HDAC11: variants seen among roughly 807,000 people sequenced by gnomAD.
HDAC11 encodes histone deacetylase 11.
In HDAC11, 23 loss-of-function variants were observed where a neutral mutation model predicts 41.1. The observed-to-expected ratio is 0.56, with a 90% CI of 0.40 to 0.79. HDAC11 has a LOEUF of 0.79. HDAC11 is among the 30% of genes least tolerant of loss of function. The probability of loss-of-function intolerance (pLI) is 0.00; values close to 1 mark genes in which losing one functional copy is unlikely to be tolerated. For synonymous variants in HDAC11, 187 were observed against 186.6 expected, an observed-to-expected ratio of 1.00 and a Z score of -0.02; for missense variants, 402 against 477.3, an observed-to-expected ratio of 0.84 and a Z score of 1.47.
At chr3:13,491,340 A>G (rs1379452157) in intron 3 of HDAC11, among the ~76,000 whole-genome samples, 1 of 151,964 alleles carries the variant, frequency 6.6e-6, no homozygotes, top group Non-Finnish European at 1.5e-5. Flanking sequence ...CTGTGGGGTT[A>G]AATTTTTTAA....
At chr3:13,488,569 AT>A (rs1701702927) in intron 3 of HDAC11, among the ~76,000 whole-genome samples, 1 of 152,234 alleles carries the variant, frequency 6.6e-6, no homozygotes, top group African/African-American at 2.4e-5. Flanking sequence ...CGTTTTCAAC[AT>A]TCATCTGTGT....
At chr3:13,503,213 G>A in intron 8 of HDAC11, 2 of 338,410 alleles carry the variant, frequency 5.9e-6, no homozygotes, top group South Asian at 7.1e-5. Context: ...CAAAAAACAG[G>A]AAAGAATGAA....
intron 3 of HDAC11, among the ~76,000 whole-genome samples, chr3:13,490,503 T>C (rs1207432670): frequency 6.6e-6 from 1 of 152,170 alleles, no homozygotes; most frequent in African/African-American, 2.4e-5. Flanking sequence ...TATTTATGTC[T>C]TTAATTTCTT....
chr3:13,495,551 C>A (rs1454291808), intron 3 of HDAC11, among the ~76,000 whole-genome samples: 1 of 152,174 alleles, frequency 6.6e-6, no homozygotes, highest in Non-Finnish European at 1.5e-5. Context: ...CTCATGCTTC[C>A]TCTCTAGGGC....
chr3:13,484,145 G>A (rs994425582), intron 3 of HDAC11, among the ~76,000 whole-genome samples: 4 of 152,096 alleles, frequency 2.6e-5, no homozygotes, highest in African/African-American at 7.2e-5. Flanking sequence ...TTGTATTTTA[G>A]TAGAGATGTG....
At chr3:13,499,317 G>C (rs1702247878) in intron 5 of HDAC11, among the ~76,000 whole-genome samples, 1 of 152,136 alleles carries the variant, frequency 6.6e-6, no homozygotes, top group African/African-American at 2.4e-5. Context: ...TTACAGGCAT[G>C]CACCACCATG....
At position 13,504,716 on chromosome 3, in the gene HDAC11, C is replaced by A; in HGVS notation, c.*33C>A. 6.4e-7 allele frequency: 1 copy of A among 1,569,656 alleles called. No individual in the cohort carries two copies. ...TGCCCTGCCTGTCACGTGGCCCTGC[C>A]TATCCGCCCCTTAGTGCTTTTTGTT... On this transcript the variant is annotated 3_prime_UTR_variant, in exon 10 of 10. Transcript: ENST00000295757.
At chr3:13,489,756 T>C (rs1432372419) in intron 3 of HDAC11, among the ~76,000 whole-genome samples, 3 of 152,070 alleles carry the variant, frequency 2.0e-5, no homozygotes, top group South Asian at 2.1e-4. Context: ...TTGGTAGAGA[T>C]GGGGTTTCAC....
chr3:13,491,768 A>T (rs760143530), intron 3 of HDAC11, among the ~76,000 whole-genome samples: 20 of 152,354 alleles, frequency 1.3e-4, no homozygotes, highest in South Asian at 1.2e-3. Context: ...CATGCAGGCC[A>T]TGCCCTTTGG....
At chr3:13,491,068 T>TTGTGTG (rs58333021) in intron 3 of HDAC11, among the ~76,000 whole-genome samples, 310 of 140,392 alleles carry the variant, frequency 2.2e-3, no homozygotes, top group African/African-American at 4.8e-3. Context: ...GCTTTAATAG[T>TTGTGTG]TGTGTGTGTG....
intron 3 of HDAC11, among the ~76,000 whole-genome samples, chr3:13,493,986 A>T (rs961175116): frequency 6.6e-6 from 1 of 152,108 alleles, no homozygotes; most frequent in East Asian, 1.9e-4. Context: ...ATCTGGGGGG[A>T]GCAAAGTTAG....
rs995372872 is a variant in HDAC11 at position 13,505,512 on chromosome 3, A to C, written c.*829A>C. On this transcript the variant is annotated 3_prime_UTR_variant, in exon 10 of 10. Transcript: ENST00000295757. ...GGGGGCCGCTGACCCAGGTGGGGAG[A>C]GGGCAGAAGAAGGGTGGGGGACGTG... The C allele has an allele frequency of 6.6e-6, 1 of 152,490 alleles. No individual in the cohort carries two copies. The highest frequency in any genetic ancestry group is 1.5e-5 in the Non-Finnish European group (1 of 68,360). The allele number at this position is 152,490 out of a possible 1,614,324, so 9.4% of individuals were successfully genotyped here. A position where few individuals can be genotyped will look rare whatever the true frequency, so the allele number is the denominator to read the frequency against.
chr3:13,491,056 T>C (rs1287270163), intron 3 of HDAC11, among the ~76,000 whole-genome samples: 2 of 147,156 alleles, frequency 1.4e-5, no homozygotes, highest in Non-Finnish European at 3.0e-5. Flanking sequence ...GCCTGTTTCT[T>C]AGCTTTAATA....
At position 13,496,721 on chromosome 3, in the gene HDAC11, T is replaced by A. The variant is rs1407863085; in HGVS notation, c.253-15T>A. 6.4e-7 allele frequency: 1 copy of A among 1,561,896 alleles called. No homozygotes were observed. The highest frequency in any genetic ancestry group is 8.8e-7 in the Non-Finnish European group (1 of 1,141,954). ...TGGGGAAGCGGAGGCCAACAGCCCCTGTCTTTTTCCGCAGTGGTCCTTTGC... is the reference window on the plus strand; with the variant it reads ...TGGGGAAGCGGAGGCCAACAGCCCCAGTCTTTTTCCGCAGTGGTCCTTTGC... On this transcript the variant is annotated splice_polypyrimidine_tract_variant and intron_variant, in intron 3 of 9. Coordinates refer to ENST00000295757, the MANE Select transcript of HDAC11 (RefSeq NM_024827.4).
In HDAC11 at chr3:13,500,774, C is replaced by G. The variant is rs754349464; in HGVS notation, c.474C>G (p.Ile158Met). 1 of 1,576,054 alleles carries G rather than the reference C, an allele frequency of 6.3e-7. No individual in the cohort carries two copies. Among genetic ancestry groups the G allele is most frequent in the East Asian group, 2.3e-5 (1 of 43,634 alleles). Residue 158 changes from isoleucine to methionine, a missense_variant, in exon 6 of 10, where the codon ATC becomes ATG. Coordinates refer to ENST00000295757, the MANE Select transcript of HDAC11 (RefSeq NM_024827.4). ...RGGGFCAYAD[I>M]TLAIKFLFER... ...GGGGCTTCTGTGCCTATGCGGACAT[C>G]ACGCTCGCCATCAAGGTGTGTCTAT...
At chr3:13,486,389 G>A (rs1326246745) in intron 3 of HDAC11, among the ~76,000 whole-genome samples, 3 of 151,598 alleles carry the variant, frequency 2.0e-5, no homozygotes, top group African/African-American at 7.3e-5. Flanking sequence ...CCATGGATTT[G>A]CATTTGAGTC....
In HDAC11 at chr3:13,502,737, C is replaced by A; in HGVS notation, c.553-147C>A. The A allele has an allele frequency of 1.6e-6, 1 of 640,452 alleles. No homozygotes were observed. The highest frequency in any genetic ancestry group is 2.8e-6 in the Non-Finnish European group (1 of 356,460). 39.7% of individuals were successfully genotyped at this position (640,452 alleles called of 1,614,324 possible). A position where few individuals can be genotyped will look rare whatever the true frequency, so the allele number is the denominator to read the frequency against. ...TTTTAAGGTTGAATCCCAGCTCTGC[C>A]CCTTAACAGTCATGAGACCTGCTGC... On this transcript the variant is annotated intron_variant, in intron 7 of 9. Transcript: ENST00000295757. The surrounding 1 kb of genome is among the most constrained non-coding windows in gnomAD (Gnocchi z 4.1).
At chr3:13,483,365 G>A (rs1701410661) in intron 2 of HDAC11, 99 bp from the exon 3 acceptor site, 1 of 976,632 alleles carries the variant, frequency 1.0e-6, no homozygotes, top group Non-Finnish European at 1.6e-6. Flanking sequence ...CCTGGGGCAG[G>A]GGCTGCCACA....
Position 13,504,558 on chromosome 3 carries a change from C to CGCACA in HDAC11, c.922_926dup (p.Arg310GlnfsTer62). ...GGTGACCTCAGGCGGGTACCAGAAGCGCACAGCCCGCATCATTGCTGACTC... is the reference window on the plus strand; with the variant it reads ...GGTGACCTCAGGCGGGTACCAGAAGCGCACAGCACAGCCCGCATCATTGCTGACTC... On this transcript the variant is annotated frameshift_variant, in exon 10 of 10. Transcript: ENST00000295757. LOFTEE classifies it high-confidence loss of function. The CGCACA allele has an allele frequency of 6.2e-7, 1 of 1,613,626 alleles. No homozygotes were observed. The highest frequency in any genetic ancestry group is 8.5e-7 in the Non-Finnish European group (1 of 1,180,024).
Sources: gnomAD v4.1 joint callset for allele counts (sites outside exome capture counted in the v4.1 genomes callset) on GRCh38, gnomAD v4.1.1 for gene constraint, Gnocchi (gnomAD v3.1) non-coding constraint, MANE v1.5 for transcripts, NCBI Gene and HGNC (gene_info 2026-07-23, HGNC 2026-07-21) for gene names.